Variants in PAN3 observed in about 807,000 individuals in gnomAD.
The protein encoded by PAN3 is PAN2-PAN3 deadenylation complex subunit PAN3.
A neutral mutation model predicts 96.2 loss-of-function variants in PAN3; 19 were observed. The ratio of observed to expected loss-of-function variants is 0.20; its 90% CI spans 0.14 to 0.29. PAN3 has a LOEUF of 0.29. Ranked by LOEUF, PAN3 falls within the 10% of genes least tolerant of loss-of-function variation. The pLI, the probability that PAN3 is intolerant of heterozygous loss-of-function variation, is 1.00. For missense variants in PAN3, 882 were observed against 1,108.1 expected, an observed-to-expected ratio of 0.80 and a Z score of 2.90; for synonymous variants, 433 against 406.6, an observed-to-expected ratio of 1.06 and a Z score of -0.78.
intron 14 of PAN3, 46 bp downstream of exon 14, chr13:28,272,117 A>G (rs1378336663): frequency 2.2e-6 from 3 of 1,348,100 alleles, no homozygotes; most frequent in Non-Finnish European, 3.1e-6. Context: ...CCTTTATTAA[A>G]GACAAATTTT....
chr13:28,209,353 C>G (rs1388376841), intron 5 of PAN3, among the ~76,000 whole-genome samples: 2 of 152,262 alleles, frequency 1.3e-5, no homozygotes, highest in African/African-American at 4.8e-5. Context: ...TTTTTACACA[C>G]CTGCGTGCAT....
intron 1 of PAN3, among the ~76,000 whole-genome samples, chr13:28,169,411 G>A (rs1874014843): frequency 6.6e-6 from 1 of 151,054 alleles, no homozygotes; most frequent in African/African-American, 2.4e-5. Context: ...TGTATTTTTA[G>A]TAGAGACAGG....
At chr13:28,212,908 G>T (rs906232383) in intron 5 of PAN3, among the ~76,000 whole-genome samples, 14 of 152,054 alleles carry the variant, frequency 9.2e-5, no homozygotes, top group African/African-American at 3.1e-4. Flanking sequence ...AGAAATAATG[G>T]GCAACATTTT....
intron 5 of PAN3, among the ~76,000 whole-genome samples, chr13:28,207,570 T>C (rs1006787537): frequency 6.6e-6 from 1 of 152,230 alleles, no homozygotes; most frequent in Non-Finnish European, 1.5e-5. Flanking sequence ...GCTATTCTTT[T>C]TGAACATTCA....
At chr13:28,213,548 A>C (rs1339087758) in intron 5 of PAN3, among the ~76,000 whole-genome samples, 1 of 152,158 alleles carries the variant, frequency 6.6e-6, no homozygotes, top group Non-Finnish European at 1.5e-5. Flanking sequence ...AATTCAAACG[A>C]GGTGGGCAGT....
In PAN3 at chr13:28,256,861, A is replaced by C. The variant is rs553574967; in HGVS notation, c.1248+322A>C. ...AATTGATGCCTGCTGACATTTGTTT[A>C]TAGGTATAGATAGTTTAACCTCAGT... On this transcript the variant is annotated intron_variant, in intron 7 of 18. Coordinates refer to ENST00000380958, the MANE Select transcript of PAN3 (RefSeq NM_175854.8). 4.4e-3 allele frequency among the ~76,000 whole-genome samples: 667 copies of C among 152,284 alleles called. 9 individuals carry two copies. The highest frequency in any genetic ancestry group is 0.015 in the African/African-American group (634 of 41,548).
intron 6 of PAN3, among the ~76,000 whole-genome samples, chr13:28,226,307 A>G (rs1441030046): frequency 4.6e-5 from 7 of 152,308 alleles, no homozygotes; most frequent in Admixed American, 3.9e-4. Flanking sequence ...TTTTCCTTGT[A>G]ATTGTTTCTC....
At chr13:28,253,464 T>C (rs1884898587) in intron 6 of PAN3, among the ~76,000 whole-genome samples, 1 of 152,224 alleles carries the variant, frequency 6.6e-6, no homozygotes, top group Non-Finnish European at 1.5e-5. Flanking sequence ...GTGTCTTTTG[T>C]GATTAGATTA....
chr13:28,292,404 A>C lies in PAN3; in HGVS notation c.2546A>C (p.Lys849Thr). The C allele has an allele frequency of 6.2e-7, 1 of 1,606,838 alleles. No homozygotes were observed. Residue 849 changes from lysine to threonine, a missense_variant, in exon 19 of 19, where the codon AAA becomes ACA. By Grantham distance (78) the Lys-to-Thr change is moderately conservative. Transcript: ENST00000380958. The stretch of plus-strand genomic sequence containing the variant: ...CAGCTAGATGCTGGTGTGCCAGAAA[A>C]AATAAGCCTGATTTCCAGAGATGAG... ...LNKLDAGVPEKISLISRDEKS... is the reference protein window; with the variant it reads ...LNKLDAGVPETISLISRDEKS...
chr13:28,287,178 A>G (rs1028876052), intron 17 of PAN3, among the ~76,000 whole-genome samples: 1 of 152,202 alleles, frequency 6.6e-6, no homozygotes, highest in African/African-American at 2.4e-5. Flanking sequence ...AGCAGCCACT[A>G]CTTCCTCTGG....
At position 28,167,452 on chromosome 13, in the gene PAN3, C is replaced by T. The variant is rs117704649; in HGVS notation, c.431-6820C>T. On this transcript the variant is annotated intron_variant, in intron 1 of 18. Coordinates refer to ENST00000380958, the MANE Select transcript of PAN3 (RefSeq NM_175854.8). Reference sequence around the variant, plus strand: ...TTGGGATTATAGGTGTGAGCCATTGCGCCCGGCCCAATACCCATTTTTAAT... The same window carrying T: ...TTGGGATTATAGGTGTGAGCCATTGTGCCCGGCCCAATACCCATTTTTAAT... Among the ~76,000 whole-genome samples the T allele has an allele frequency of 8.1e-3, 1,231 of 152,098 alleles. 8 individuals are homozygous for T. Among genetic ancestry groups the T allele is most frequent in the Non-Finnish European group, 0.013 (863 of 67,980 alleles).
In PAN3 at chr13:28,294,039, A is replaced by G. The variant is rs1378447423; in HGVS notation, c.*1517A>G. The G allele has an allele frequency of 1.3e-5, 2 of 152,612 alleles. No homozygotes were observed. Among genetic ancestry groups the G allele is most frequent in the Non-Finnish European group, 2.9e-5 (2 of 68,030 alleles). 9.5% of individuals were successfully genotyped at this position (152,612 alleles called of 1,614,324 possible). The stretch of plus-strand genomic sequence containing the variant: ...TTTAATATTTCTCTGTCCACTTTTT[A>G]TAAGCTTTAAAATGATTTTCTCTGC... On this transcript the variant is annotated 3_prime_UTR_variant, in exon 19 of 19. Transcript: ENST00000380958.
intron 6 of PAN3, among the ~76,000 whole-genome samples, chr13:28,233,286 A>T (rs1413447881): frequency 6.0e-4 from 82 of 137,002 alleles, no homozygotes; most frequent in African/African-American, 2.1e-3. Flanking sequence ...TTTTTTTTTC[A>T]GGCGGAGTCT....
intron 1 of PAN3, among the ~76,000 whole-genome samples, chr13:28,144,806 T>C (rs914530244): frequency 1.5e-5 from 2 of 137,478 alleles, no homozygotes; most frequent in African/African-American, 6.1e-5. Context: ...CTGCAACCTC[T>C]GCTGCCCAGG....
At chr13:28,175,471 C>G (rs756891548) in intron 2 of PAN3, among the ~76,000 whole-genome samples, 3 of 152,160 alleles carry the variant, frequency 2.0e-5, no homozygotes, top group African/African-American at 7.2e-5. Flanking sequence ...GTCTCAAACT[C>G]CTGGTCTCAA....
At chr13:28,156,543 C>G (rs895625695) in intron 1 of PAN3, among the ~76,000 whole-genome samples, 2 of 152,158 alleles carry the variant, frequency 1.3e-5, no homozygotes, top group Non-Finnish European at 2.9e-5. Flanking sequence ...GGAGGGGATT[C>G]CTCCTTATCT....
In PAN3 at chr13:28,293,886, G is replaced by GT. The variant is rs1870059816; in HGVS notation, c.*1364_*1365insT. ...AGCACTGAATGTTTTACTAGCACTG[G>GT]GTGCTCACCATGCAACTGAAGAAAA... On this transcript the variant is annotated 3_prime_UTR_variant, in exon 19 of 19. Transcript: ENST00000380958. 6.6e-6 allele frequency: 1 copy of GT among 152,548 alleles called. No homozygotes were observed. Among genetic ancestry groups the GT allele is most frequent in the Non-Finnish European group, 1.5e-5 (1 of 68,016 alleles). 9.4% of individuals were successfully genotyped at this position (152,548 alleles called of 1,614,324 possible). A position where few individuals can be genotyped will look rare whatever the true frequency, so the allele number is the denominator to read the frequency against.
intron 1 of PAN3, among the ~76,000 whole-genome samples, chr13:28,140,701 T>TCTTTC (rs1869644777): frequency 2.6e-5 from 4 of 151,858 alleles, no homozygotes; most frequent in Non-Finnish European, 5.9e-5. Flanking sequence ...TCTGTTCTGT[T>TCTTTC]CTTTTCTCCT....
At chr13:28,234,649 A>G (rs1421918279) in intron 6 of PAN3, among the ~76,000 whole-genome samples, 3 of 152,146 alleles carry the variant, frequency 2.0e-5, no homozygotes, top group Non-Finnish European at 4.4e-5. Flanking sequence ...CTCTTATCCT[A>G]CATTCTGTTT....
Sources: allele counts gnomAD v4.1 joint callset (sites outside exome capture counted in the v4.1 genomes callset), GRCh38; gene constraint gnomAD v4.1.1; transcripts MANE v1.5; gene names NCBI Gene and HGNC (gene_info 2026-07-23, HGNC 2026-07-21).